The following PDE10A variants were observed in gnomAD, a reference collection of about 807,000 sequenced individuals.
PDE10A encodes the protein phosphodiesterase 10A, also known as cAMP and cAMP-inhibited cGMP 3',5'-cyclic phosphodiesterase 10A.
Under a neutral mutation model 97.7 loss-of-function variants are expected in PDE10A, and 39 were observed. The ratio of observed to expected loss-of-function variants is 0.40; its 90% CI spans 0.31 to 0.52. The LOEUF is 0.52. PDE10A is among the 20% of genes least tolerant of loss of function. PDE10A has a pLI of 0.56. For synonymous variants in PDE10A, 371 were observed against 376.8 expected (o/e 0.98, Z 0.18); for missense variants, 731 against 1,047.8 (o/e 0.70, Z 4.17).
In PDE10A at chr6:165,841,044, T is replaced by C. The variant is rs888030492; in HGVS notation, c.-615+146485A>G. ...AAAACCAACAGGTTTTATTCACCTT[T>C]GTTGACAAGCTCTCAGCATGGTACT... On this transcript the variant is annotated intron_variant, in intron 1 of 19. Transcript: ENST00000366882. Among the ~76,000 whole-genome samples, 43 of 152,238 alleles carry C rather than the reference T, an allele frequency of 2.8e-4. 1 individual carries two copies. Among genetic ancestry groups the C allele is most frequent in the Admixed American group, 2.6e-3 (39 of 15,284 alleles).
intron 1 of PDE10A, among the ~76,000 whole-genome samples, chr6:165,973,743 C>G (rs1784766863): frequency 6.6e-6 from 1 of 152,180 alleles, no homozygotes; most frequent in Non-Finnish European, 1.5e-5. Flanking sequence ...GCAGGAATAT[C>G]CAGACAGATG....
chr6:165,455,708 G>A (rs956927077), intron 3 of PDE10A, among the ~76,000 whole-genome samples: 15 of 152,264 alleles, frequency 9.9e-5, no homozygotes, highest in African/African-American at 2.4e-4. Flanking sequence ...CTTCCTGGGC[G>A]GTGCCTAACA....
chr6:165,370,553 A>G (rs1293251977), intron 18 of PDE10A, among the ~76,000 whole-genome samples: 1 of 149,684 alleles, frequency 6.7e-6, no homozygotes, highest in Non-Finnish European at 1.5e-5. Context: ...TATGCACCCA[A>G]TACAGGAGCA....
rs1785834849 is a variant in PDE10A, at chr6:165,392,938, G to A, written c.2304-142C>T. 3.4e-5 allele frequency: 24 copies of A among 702,190 alleles called. No individual in the cohort carries two copies. The South Asian group carries it at 4.2e-4, about 12-fold the overall frequency. 43.5% of individuals were successfully genotyped at this position (702,190 alleles called of 1,614,324 possible). On this transcript the variant is annotated intron_variant, in intron 15 of 21. Coordinates refer to ENST00000539869, the MANE Select transcript of PDE10A (RefSeq NM_001385079.1). ...ATTTCCACCCTGACTGAATCCATGA[G>A]CACTGGAAACTCATTCACCAGTTCC...
At chr6:165,480,631 C>A (rs1779552368) in intron 3 of PDE10A, among the ~76,000 whole-genome samples, 1 of 151,588 alleles carries the variant, frequency 6.6e-6, no homozygotes, top group African/African-American at 2.4e-5. Context: ...AAAGAAAAAA[C>A]AAAACCAAAA....
At chr6:165,738,295 G>A (rs2128452677) in intron 1 of PDE10A, among the ~76,000 whole-genome samples, 1 of 151,842 alleles carries the variant, frequency 6.6e-6, no homozygotes, top group South Asian at 2.1e-4. Flanking sequence ...AGTTTACTGA[G>A]AATGATGATT....
At position 165,787,613 on chromosome 6, in the gene PDE10A, C is replaced by T. The variant is rs191173793; in HGVS notation, c.-615+199916G>A. 5.9e-5 allele frequency among the ~76,000 whole-genome samples: 9 copies of T among 152,284 alleles called. No homozygotes were observed. In the South Asian group the frequency reaches 6.2e-4, roughly 11 times the overall value. ...ATTAGAGTTTTACAGAATGCTACTT[C>T]GTAGGAGTGATTACTCAGCAATGTT... On this transcript the variant is annotated intron_variant, in intron 1 of 19. Coordinates refer to the PDE10A transcript ENST00000366882.
At chr6:165,448,594 G>T (rs1009074852) in intron 5 of PDE10A, among the ~76,000 whole-genome samples, 2 of 152,024 alleles carry the variant, frequency 1.3e-5, no homozygotes, top group Non-Finnish European at 2.9e-5. Flanking sequence ...TGTAGAGAGG[G>T]TACAGGCATT....
At chr6:165,680,594 A>T (rs1269859621) in intron 1 of PDE10A, among the ~76,000 whole-genome samples, 3 of 152,196 alleles carry the variant, frequency 2.0e-5, no homozygotes, top group Non-Finnish European at 2.9e-5. Context: ...ATACACAAAA[A>T]TGCATCCTTT....
chr6:165,712,937 GC>G (rs1791937784), intron 1 of PDE10A, among the ~76,000 whole-genome samples: 1 of 152,148 alleles, frequency 6.6e-6, no homozygotes, highest in South Asian at 2.1e-4. Flanking sequence ...ACCGCACCCG[GC>G]CCGTTTTAAC....
At chr6:165,566,247 C>A (rs1247248266) in intron 1 of PDE10A, among the ~76,000 whole-genome samples, 1 of 152,062 alleles carries the variant, frequency 6.6e-6, no homozygotes, top group Admixed American at 6.6e-5. Flanking sequence ...AAACAAACAA[C>A]CTGATTATTA....
chr6:165,578,649 C>A (rs1276446357), intron 1 of PDE10A, among the ~76,000 whole-genome samples: 2 of 42,912 alleles, frequency 4.7e-5, no homozygotes, highest in Non-Finnish European at 2.5e-4. Context: ...CTACTAAATG[C>A]ATTTACCCTT....
chr6:165,483,496 A>G (rs617817), intron 2 of PDE10A, among the ~76,000 whole-genome samples: 41,062 of 152,118 alleles, frequency 0.27, 6,016 homozygotes, highest in African/African-American at 0.38. Flanking sequence ...CACCATAGAA[A>G]TATTTCATTT....
At chr6:165,784,551 G>C (rs1203866384) in intron 1 of PDE10A, among the ~76,000 whole-genome samples, 1 of 152,204 alleles carries the variant, frequency 6.6e-6, no homozygotes, top group Non-Finnish European at 1.5e-5. Context: ...AGCAAGTAAT[G>C]CCAAATTGCT....
chr6:165,385,491 G>A (rs570379258), intron 17 of PDE10A, among the ~76,000 whole-genome samples: 11 of 152,310 alleles, frequency 7.2e-5, no homozygotes, highest in Non-Finnish European at 1.6e-4. Flanking sequence ...CAGAAGTCAG[G>A]GGACTCAGGC....
At chr6:165,369,449 T>C (rs373655114) in intron 18 of PDE10A, among the ~76,000 whole-genome samples, 1 of 151,102 alleles carries the variant, frequency 6.6e-6, no homozygotes, top group Non-Finnish European at 1.5e-5. Flanking sequence ...CCTCAGGAGC[T>C]GATGCGATCA....
chr6:165,590,870 G>A (rs113122958), intron 1 of PDE10A, among the ~76,000 whole-genome samples: 7 of 152,176 alleles, frequency 4.6e-5, no homozygotes, highest in Non-Finnish European at 7.4e-5. Context: ...CAGCCTGGGC[G>A]ACAGAGCGAG....
chr6:165,970,963 C>T (rs1784651588), intron 1 of PDE10A, among the ~76,000 whole-genome samples: 1 of 152,166 alleles, frequency 6.6e-6, no homozygotes, highest in Non-Finnish European at 1.5e-5. Context: ...GCCTGGCCAA[C>T]ATGGCAAAGC....
chr6:165,641,211 A>G (rs1350137761), intron 1 of PDE10A, among the ~76,000 whole-genome samples: 2 of 152,246 alleles, frequency 1.3e-5, no homozygotes, highest in East Asian at 3.8e-4. Context: ...AAAAATGTTA[A>G]AAGTCATAAG....
Sources: gnomAD v4.1 joint callset for allele counts (sites outside exome capture counted in the v4.1 genomes callset) on GRCh38, gnomAD v4.1.1 for gene constraint, MANE v1.5 for transcripts, NCBI Gene and HGNC (gene_info 2026-07-23, HGNC 2026-07-21) for gene names.